Variants in MAPK8IP3 observed in about 807,000 individuals in gnomAD.
MAPK8IP3 encodes the protein mitogen-activated protein kinase 8 interacting protein 3, also known as C-Jun-amino-terminal kinase-interacting protein 3.
In MAPK8IP3, 49 loss-of-function variants were observed where a neutral mutation model predicts 157.8. That is an observed-to-expected ratio of 0.31 (90% CI 0.25 to 0.39). The LOEUF is 0.39. Among genes scored for constraint, MAPK8IP3 ranks in the 10% least tolerant of loss-of-function variants. The probability of loss-of-function intolerance (pLI) is 1.00; values close to 1 mark genes in which losing one functional copy is unlikely to be tolerated. For missense variants in MAPK8IP3, 1,478 were observed against 1,889.4 expected, an observed-to-expected ratio of 0.78 and a Z score of 4.04; for synonymous variants, 897 against 777.7, an observed-to-expected ratio of 1.15 and a Z score of -2.55.
In MAPK8IP3 at chr16:1,763,803, G is replaced by A; in HGVS notation, c.2025+20G>A. The stretch of plus-strand genomic sequence containing the variant: ...AAGCAGGTGCGGGCGGGCGCTGCGG[G>A]GACCGGGCGGGGCCCCGCAGAGGCG... On this transcript the variant is annotated intron_variant, in intron 17 of 31. Transcript: ENST00000610761. The A allele has an allele frequency of 1.3e-6, 2 of 1,483,310 alleles. No homozygotes were observed. Among genetic ancestry groups the A allele is most frequent in the Non-Finnish European group, 1.8e-6 (2 of 1,114,024 alleles). 91.9% of individuals were successfully genotyped at this position (1,483,310 alleles called of 1,614,324 possible).
At chr16:1,746,834 A>T (rs2040991554) in intron 5 of MAPK8IP3, 195 bp from the exon 6 acceptor site, 4 of 636,804 alleles carry the variant, frequency 6.3e-6, no homozygotes, top group Non-Finnish European at 1.1e-5. Context: ...CAGTGGCCGG[A>T]TAAGCAGAGC....
intron 28 of MAPK8IP3, 32 bp downstream of exon 28, chr16:1,767,950 G>A (rs767912492): frequency 1.2e-6 from 2 of 1,606,334 alleles, no homozygotes; most frequent in South Asian, 2.2e-5. Context: ...AGGGGCAGTG[G>A]TGCTGCCAGA....
At chr16:1,729,437 G>A (rs1484763975) in intron 3 of MAPK8IP3, 50 bp from the exon 4 acceptor site, 4 of 1,530,598 alleles carry the variant, frequency 2.6e-6, no homozygotes, top group East Asian at 2.3e-5. Context: ...TAGAGGGGAC[G>A]GAGACAGCCC....
In MAPK8IP3 at chr16:1,764,213, G is replaced by A. The variant is rs1487577618; in HGVS notation, c.2121+3G>A. 1.2e-6 allele frequency: 2 copies of A among 1,610,002 alleles called. No individual in the cohort carries two copies. The highest frequency in any genetic ancestry group is 4.5e-5 in the East Asian group (2 of 44,790). ...TGGAGAAGGACCCCACCATGAAGGT[G>A]AGCCCGCGAGGACCCCGCTCAGGCT... On this transcript the variant is annotated splice_donor_region_variant and intron_variant, in intron 18 of 31. Transcript: ENST00000610761.
At chr16:1,727,296 G>A (rs1023160040) in intron 2 of MAPK8IP3, among the ~76,000 whole-genome samples, 5 of 147,898 alleles carry the variant, frequency 3.4e-5, no homozygotes, top group Admixed American at 1.3e-4. Flanking sequence ...TGTGTGCAGC[G>A]TCTGTGTGAG....
chr16:1,735,674 AC>A lies in MAPK8IP3; in HGVS notation c.602+6098del, dbSNP rs541239459. ...GACCATCCATGTGAGCATCCGTGTG[AC>A]CGTCCGTGTGAGCGTCTGTGTGCCT... On this transcript the variant is annotated intron_variant, in intron 4 of 31. Coordinates refer to ENST00000610761, the MANE Select transcript of MAPK8IP3 (RefSeq NM_001318852.2). Among the ~76,000 whole-genome samples, 11 of 134,830 alleles carry A rather than the reference AC, an allele frequency of 8.2e-5. No individual in the cohort carries two copies. In the South Asian group the frequency reaches 2.5e-3, roughly 31 times the overall value. 88.5% of individuals were successfully genotyped at this position (134,830 alleles called of 152,430 possible). A position where few individuals can be genotyped will look rare whatever the true frequency, so the allele number is the denominator to read the frequency against.
intron 9 of MAPK8IP3, 103 bp downstream of exon 9, chr16:1,758,262 C>G (rs1024942000): frequency 3.0e-6 from 4 of 1,353,728 alleles, no homozygotes; most frequent in African/African-American, 2.9e-5. Context: ...GTGTGGACTG[C>G]CCCCCACGTC....
At chr16:1,725,973 C>A (rs562505230) in intron 2 of MAPK8IP3, among the ~76,000 whole-genome samples, 1 of 152,222 alleles carries the variant, frequency 6.6e-6, no homozygotes, top group South Asian at 2.1e-4. Flanking sequence ...CGCGAGCCAC[C>A]GCGCCTGGCC....
At chr16:1,716,498 C>T (rs1323989502) in intron 1 of MAPK8IP3, among the ~76,000 whole-genome samples, 2 of 151,828 alleles carry the variant, frequency 1.3e-5, no homozygotes, top group South Asian at 2.1e-4. Context: ...GGGTTTCACA[C>T]GTTGGTCAGG....
chr16:1,735,875 G>GT (rs2039711721), intron 4 of MAPK8IP3, among the ~76,000 whole-genome samples: 2 of 132,132 alleles, frequency 1.5e-5, no homozygotes, highest in African/African-American at 2.9e-5. Context: ...GACCGTCCAT[G>GT]GAGCATCTGT....
chr16:1,729,759 G>A (rs529710307), intron 4 of MAPK8IP3, among the ~76,000 whole-genome samples, 181 bp downstream of exon 4: 1 of 152,012 alleles, frequency 6.6e-6, no homozygotes, highest in Non-Finnish European at 1.5e-5. Context: ...GCAGGGATGT[G>A]GGGGGGCGGC....
chr16:1,748,203 G>C, intron 6 of MAPK8IP3, 41 bp from the exon 7 acceptor site: 1 of 1,490,186 alleles, frequency 6.7e-7, no homozygotes, highest in South Asian at 1.1e-5. Flanking sequence ...GAGGCTGCCA[G>C]ACCCTCTCCT....
rs752920332 is a variant in MAPK8IP3 at position 1,762,690 on chromosome 16, C to T, written c.1686C>T (p.His562=). The T allele has an allele frequency of 1.9e-6, 3 of 1,561,988 alleles. No individual in the cohort carries two copies. The highest frequency in any genetic ancestry group is 1.7e-6 in the Non-Finnish European group (2 of 1,151,932). ...TCCCCTGCAGAGCGTCCCGAGAGCA[C>T]CCATCCGTCCAGGAGAAGAAGAAGT... ...WTEMIRASRE[H]PSVQEKKKST... Residue 562 remains histidine (H), a synonymous_variant, in exon 15 of 32, where the codon CAC becomes CAT. Coordinates refer to ENST00000610761, the MANE Select transcript of MAPK8IP3 (RefSeq NM_001318852.2).
intron 8 of MAPK8IP3, among the ~76,000 whole-genome samples, chr16:1,757,726 G>T (rs892383835): frequency 6.6e-6 from 1 of 152,226 alleles, no homozygotes; most frequent in Non-Finnish European, 1.5e-5. Context: ...GCCTGCGTCT[G>T]CGGTGTCTCC....
intron 17 of MAPK8IP3, 117 bp from the exon 18 acceptor site, chr16:1,763,998 C>T: frequency 2.6e-6 from 3 of 1,136,156 alleles, no homozygotes; most frequent in African/African-American, 3.1e-5. Flanking sequence ...CCCCCACCTG[C>T]CTCCAGTCTT....
At chr16:1,733,237 C>T (rs1014627948) in intron 4 of MAPK8IP3, among the ~76,000 whole-genome samples, 2 of 152,082 alleles carry the variant, frequency 1.3e-5, no homozygotes, top group Admixed American at 6.5e-5. Flanking sequence ...CGGAGGGCGC[C>T]TGGGCAGGAG....
At chr16:1,729,002 C>G in intron 2 of MAPK8IP3, 136 bp from the exon 3 acceptor site, 3 of 781,352 alleles carry the variant, frequency 3.8e-6, no homozygotes, top group East Asian at 5.0e-5. Flanking sequence ...TTGCACTTGC[C>G]GGGCTGCTGC....
rs1294092964 is a variant in MAPK8IP3 at position 1,765,049 on chromosome 16, C to T, written c.2317C>T (p.Arg773Trp). 7 of 1,611,194 alleles carry T rather than the reference C, an allele frequency of 4.3e-6. No homozygotes were observed. Among genetic ancestry groups the T allele is most frequent in the East Asian group, 4.5e-5 (2 of 44,816 alleles). ...CCCTGAAATGGACGCCACCTCCAGC[C>T]GGGTGTGGATCCTGACCAGCACCCT... ...ELPEMDATSS[R>W]VWILTSTLTT... The change falls in exon 20 of 32, where the codon CGG becomes TGG. Residue 773 changes from arginine to tryptophan, a missense_variant. Around this residue, in one of 11 missense-constraint regions of MAPK8IP3, gnomAD observed 669 missense variants for 759.8 expected, o/e 0.88. Transcript: ENST00000610761.
intron 4 of MAPK8IP3, among the ~76,000 whole-genome samples, chr16:1,738,269 TCC>T (rs1465169999): frequency 4.6e-5 from 4 of 87,670 alleles, no homozygotes; most frequent in Non-Finnish European, 6.5e-5. Context: ...CGTGTGACCG[TCC>T]GTGTGAGTGT....
Sources: allele counts gnomAD v4.1 joint callset (sites outside exome capture counted in the v4.1 genomes callset), GRCh38; gene constraint gnomAD v4.1.1; regional missense constraint gnomAD v4.1.1; transcripts MANE v1.5; gene names NCBI Gene and HGNC (gene_info 2026-07-23, HGNC 2026-07-21).